The following AGMO variants were observed in gnomAD, a reference collection of about 807,000 sequenced individuals.
AGMO encodes alkylglycerol monooxygenase.
In AGMO, 75 loss-of-function variants were observed where a neutral mutation model predicts 60.2. The ratio of observed to expected loss-of-function variants is 1.25; its 90% CI spans 1.03 to 1.51. The LOEUF (loss-of-function observed/expected upper bound fraction) is 1.51, where lower values mean the gene tolerates loss of function less well. Among genes scored for constraint, AGMO ranks in the 40% most tolerant of loss-of-function variants. The pLI, the probability that AGMO is intolerant of heterozygous loss-of-function variation, is 0.00. For synonymous variants in AGMO, 261 were observed against 177.1 expected, an observed-to-expected ratio of 1.47 and a Z score of -3.76; for missense variants, 763 against 525.5, an observed-to-expected ratio of 1.45 and a Z score of -4.42.
At chr7:15,455,617 G>C (rs773194108) in intron 3 of AGMO, among the ~76,000 whole-genome samples, 2 of 152,094 alleles carry the variant, frequency 1.3e-5, no homozygotes, top group Non-Finnish European at 2.9e-5. Flanking sequence ...TATGAAACCA[G>C]CAACTTCTGA....
At chr7:15,522,900 T>A (rs1326350186) in intron 3 of AGMO, among the ~76,000 whole-genome samples, 1 of 152,152 alleles carries the variant, frequency 6.6e-6, no homozygotes, top group Non-Finnish European at 1.5e-5. Flanking sequence ...ATCATCGGCA[T>A]GAACAGACAA....
At chr7:15,507,991 C>G (rs556258069) in intron 3 of AGMO, among the ~76,000 whole-genome samples, 1 of 151,872 alleles carries the variant, frequency 6.6e-6, no homozygotes, top group South Asian at 2.1e-4. Flanking sequence ...TAAAAATGTA[C>G]CGTAATAAAA....
chr7:15,306,559 AAT>A (rs1583387633), intron 12 of AGMO: 1 of 411,740 alleles, frequency 2.4e-6, no homozygotes, highest in Admixed American at 3.4e-5. Flanking sequence ...CTTATAACAG[AAT>A]ATGACTGTGT....
chr7:15,273,433 G>A (rs774667849), intron 12 of AGMO, among the ~76,000 whole-genome samples: 6 of 152,052 alleles, frequency 3.9e-5, no homozygotes, highest in African/African-American at 9.7e-5. Flanking sequence ...AGATCAGATG[G>A]TTGTGTGATA....
chr7:15,406,940 C>A (rs62439271), intron 5 of AGMO, among the ~76,000 whole-genome samples: 40,555 of 133,454 alleles, frequency 0.3, 7,222 homozygotes, highest in Middle Eastern at 0.41. Context: ...CGCACACACA[C>A]ACACACACAC....
intron 3 of AGMO, among the ~76,000 whole-genome samples, chr7:15,511,536 T>C (rs575225228): frequency 3.9e-5 from 6 of 152,172 alleles, no homozygotes; most frequent in East Asian, 1.9e-4. Flanking sequence ...CTTGGACTTA[T>C]AAGATGGATA....
At chr7:15,224,103 C>T (rs985105038) in intron 12 of AGMO, among the ~76,000 whole-genome samples, 2 of 151,804 alleles carry the variant, frequency 1.3e-5, no homozygotes, top group Non-Finnish European at 1.5e-5. Flanking sequence ...AGTCAGAGAG[C>T]ATCTCCTTCT....
At chr7:15,364,845 G>C (rs1208782901) in intron 12 of AGMO, among the ~76,000 whole-genome samples, 1 of 152,040 alleles carries the variant, frequency 6.6e-6, no homozygotes, top group Non-Finnish European at 1.5e-5. Flanking sequence ...TTCTGGTGAT[G>C]TTGGCAGGTG....
the AGMO span, among the ~76,000 whole-genome samples, chr7:15,123,899 T>C: frequency 6.6e-6 from 1 of 152,112 alleles, no homozygotes; most frequent in Non-Finnish European, 1.5e-5. Context: ...GAGCGTACGC[T>C]TTGCTGGGAC....
At chr7:15,295,595 G>A (rs1784386830) in intron 12 of AGMO, among the ~76,000 whole-genome samples, 1 of 152,018 alleles carries the variant, frequency 6.6e-6, no homozygotes, top group Admixed American at 6.6e-5. Flanking sequence ...GCTATTAATA[G>A]TATAATTTTG....
chr7:15,187,337 C>T, the AGMO span, among the ~76,000 whole-genome samples: 1 of 152,222 alleles, frequency 6.6e-6, no homozygotes, highest in East Asian at 1.9e-4. Context: ...ATATGGGACA[C>T]CAGTATGCTG....
At chr7:15,480,276 T>C (rs1484053660) in intron 3 of AGMO, among the ~76,000 whole-genome samples, 1 of 152,176 alleles carries the variant, frequency 6.6e-6, no homozygotes, top group Non-Finnish European at 1.5e-5. Flanking sequence ...GGTTTATCAG[T>C]AGAGATAAGT....
chr7:15,287,693 G>A (rs1303293476), intron 12 of AGMO, among the ~76,000 whole-genome samples: 2 of 152,074 alleles, frequency 1.3e-5, no homozygotes, highest in Admixed American at 1.3e-4. Context: ...CTTACATGTA[G>A]GCACCAGAAC....
chr7:15,249,398 A>T (rs1427878833), intron 12 of AGMO, among the ~76,000 whole-genome samples: 3 of 152,212 alleles, frequency 2.0e-5, no homozygotes, highest in African/African-American at 7.2e-5. Flanking sequence ...TTAGAATAAA[A>T]ATCTCCCAAA....
At chr7:15,505,587 AC>A (rs1783493364) in intron 3 of AGMO, among the ~76,000 whole-genome samples, 1 of 151,996 alleles carries the variant, frequency 6.6e-6, no homozygotes, top group African/African-American at 2.4e-5. Flanking sequence ...ATTGGCCTCT[AC>A]TTTTTGTTAC....
chr7:15,484,405 G>A (rs1047780492), intron 3 of AGMO, among the ~76,000 whole-genome samples: 2 of 152,106 alleles, frequency 1.3e-5, no homozygotes, highest in African/African-American at 4.8e-5. Context: ...GTCACATTGA[G>A]GAGTTAATGA....
chr7:15,392,636 TA>T (rs879839203), intron 6 of AGMO, among the ~76,000 whole-genome samples: 2 of 151,980 alleles, frequency 1.3e-5, no homozygotes, highest in Non-Finnish European at 2.9e-5. Context: ...CCATCTCTAC[TA>T]AAAATACAAA....
chr7:15,188,239 T>A, the AGMO span, among the ~76,000 whole-genome samples: 2 of 152,310 alleles, frequency 1.3e-5, no homozygotes, highest in East Asian at 3.9e-4. Context: ...GGCAGTCCTA[T>A]CACTAGTTGT....
chr7:15,206,131 C>G (rs1255858076), intron 12 of AGMO, among the ~76,000 whole-genome samples: 3 of 152,030 alleles, frequency 2.0e-5, no homozygotes, highest in Non-Finnish European at 4.4e-5. Context: ...CAAAATATCT[C>G]TATTTCCTAT....
Sources: gnomAD v4.1 joint callset for allele counts (sites outside exome capture counted in the v4.1 genomes callset) on GRCh38, gnomAD v4.1.1 for gene constraint, MANE v1.5 for transcripts, NCBI Gene and HGNC (gene_info 2026-07-23, HGNC 2026-07-21) for gene names.